Variants in VPS35L observed in about 807,000 individuals in gnomAD.
The protein encoded by VPS35L is VPS35 endosomal protein-sorting factor-like.
VPS35L carries 83 observed loss-of-function variants against 133.0 expected under a neutral mutation model. The ratio of observed to expected loss-of-function variants is 0.62; its 90% CI spans 0.52 to 0.75. The LOEUF (loss-of-function observed/expected upper bound fraction) is 0.75, where lower values mean the gene tolerates loss of function less well. Ranked by LOEUF, VPS35L falls within the 30% of genes least tolerant of loss-of-function variation. The pLI is 0.00. For synonymous variants in VPS35L, 423 were observed against 449.9 expected, an observed-to-expected ratio of 0.94 and a Z score of 0.76; for missense variants, 1,083 against 1,206.8, an observed-to-expected ratio of 0.90 and a Z score of 1.52.
At chr16:19,674,793 G>A (rs929363359) in intron 27 of VPS35L, among the ~76,000 whole-genome samples, 4 of 151,834 alleles carry the variant, frequency 2.6e-5, no homozygotes, top group Admixed American at 2.0e-4. Context: ...TTCTTTATAT[G>A]TGGACTCATG....
intron 4 of VPS35L, 119 bp from the exon 5 acceptor site, chr16:19,574,979 G>A (rs1971486178): frequency 2.4e-6 from 2 of 836,162 alleles, no homozygotes; most frequent in South Asian, 2.0e-5. Flanking sequence ...TTTAGTGACT[G>A]TATTTTTCTT....
Position 19,651,963 on chromosome 16 carries a change from TC to T in VPS35L, c.2107-10del. 2 of 1,560,996 alleles carry T rather than the reference TC, an allele frequency of 1.3e-6. No individual in the cohort carries two copies. Among genetic ancestry groups the T allele is most frequent in the Non-Finnish European group, 1.8e-6 (2 of 1,133,032 alleles). ...TTGCACTGCTAGCGTTAATGTTTCT[TC>T]CCTTCTCCTAGGCCTGTGTTGCCTA... On this transcript the variant is annotated splice_polypyrimidine_tract_variant and intron_variant, in intron 25 of 30. Transcript: ENST00000417362.
chr16:19,634,674 A>G (rs1334405457), intron 19 of VPS35L, among the ~76,000 whole-genome samples: 1 of 152,164 alleles, frequency 6.6e-6, no homozygotes, highest in East Asian at 1.9e-4. Context: ...CATCCCAGTA[A>G]AGACAAGAAT....
At chr16:19,564,352 A>G (rs978929233) in intron 1 of VPS35L, among the ~76,000 whole-genome samples, 1 of 152,048 alleles carries the variant, frequency 6.6e-6, no homozygotes, top group African/African-American at 2.4e-5. Flanking sequence ...TGCTGGAATT[A>G]TAGGCATGAG....
At chr16:19,607,383 C>G (rs1240708578) in intron 9 of VPS35L, among the ~76,000 whole-genome samples, 2 of 152,194 alleles carry the variant, frequency 1.3e-5, no homozygotes, top group African/African-American at 2.4e-5. Context: ...AGGCAAGCCC[C>G]TTTCCTTAAA....
At chr16:19,557,603 G>A (rs1264584255) in intron 1 of VPS35L, among the ~76,000 whole-genome samples, 2 of 151,936 alleles carry the variant, frequency 1.3e-5, no homozygotes, top group Non-Finnish European at 2.9e-5. Context: ...GGCTGGTCTC[G>A]AACTCCTGAC....
intron 18 of VPS35L, among the ~76,000 whole-genome samples, chr16:19,632,248 C>T (rs1228626367): frequency 6.6e-6 from 1 of 152,190 alleles, no homozygotes; most frequent in Non-Finnish European, 1.5e-5. Flanking sequence ...CAGGCATGAG[C>T]CACTGCACCC....
In VPS35L at chr16:19,633,386, CT is replaced by C. The variant is rs1973519645; in HGVS notation, c.1635+215del. ...GAAATGGAGATAGTAATAGTGCTAC[CT>C]GAGAGTTACTGTGAGGATGAAGTGA... On this transcript the variant is annotated intron_variant, in intron 19 of 30. Coordinates refer to ENST00000417362, the MANE Select transcript of VPS35L (RefSeq NM_020314.7). The surrounding 1 kb of genome is among the most constrained non-coding windows in gnomAD (Gnocchi z 4.1). Among the ~76,000 whole-genome samples the C allele has an allele frequency of 1.3e-5, 2 of 152,212 alleles. No homozygotes were observed. Among genetic ancestry groups the C allele is most frequent in the South Asian group, 2.1e-4 (1 of 4,830 alleles).
chr16:19,570,878 TATATATA>T (rs1971356646), intron 3 of VPS35L, among the ~76,000 whole-genome samples: 5 of 76,396 alleles, frequency 6.5e-5, no homozygotes, highest in African/African-American at 2.9e-4. Context: ...TATATATATA[TATATATA>T]TATATTTTTG....
rs776127420 is a variant in VPS35L at position 19,633,138 on chromosome 16, C to T, written c.1601C>T (p.Thr534Ile). 41 of 1,614,194 alleles carry T rather than the reference C, an allele frequency of 2.5e-5. No individual in the cohort carries two copies. The highest frequency in any genetic ancestry group is 8.3e-5 in the Admixed American group (5 of 60,026). Reference protein sequence around the residue: ...TVLADVIKHMTPDRAFEDSYP... With the variant: ...TVLADVIKHMIPDRAFEDSYP... The stretch of plus-strand genomic sequence containing the variant: ...TTGGCAGATGTCATCAAGCACATGA[C>T]TCCAGATCGTGCATTTGAAGATTCC... Residue 534 changes from threonine to isoleucine, a missense_variant, in exon 19 of 31, where the codon ACT becomes ATT. Thr to Ile is a moderately conservative substitution (Grantham distance 89, BLOSUM62 -1). Transcript: ENST00000417362. The surrounding 1 kb of genome is among the most constrained non-coding windows in gnomAD (Gnocchi z 4.1).
rs151313380 is a variant in VPS35L, at chr16:19,669,242, G to A, written c.2304G>A (p.Ser768=). The change falls in exon 27 of 31, where the codon TCG becomes TCA. Residue 768 remains serine, a synonymous_variant. Coordinates refer to ENST00000417362, the MANE Select transcript of VPS35L (RefSeq NM_020314.7). The stretch of plus-strand genomic sequence containing the variant: ...ATATTGATGGGAAGATGCGGCCATC[G>A]GAATCGTTCCTTCTGGAATTCCTCT... ...MINIDGKMRP[S]ESFLLEFLCN... is the part of the protein sequence containing the mutation. 2.0e-5 allele frequency: 32 copies of A among 1,612,778 alleles called. No individual in the cohort carries two copies. Among genetic ancestry groups the A allele is most frequent in the Middle Eastern group, 1.6e-4 (1 of 6,080 alleles).
chr16:19,593,243 G>T (rs1972099372), intron 8 of VPS35L, among the ~76,000 whole-genome samples: 1 of 152,112 alleles, frequency 6.6e-6, no homozygotes. Context: ...TGTATATGAT[G>T]TGCCCCACAG....
chr16:19,670,120 C>G (rs1341831374), intron 27 of VPS35L, among the ~76,000 whole-genome samples: 1 of 152,166 alleles, frequency 6.6e-6, no homozygotes, highest in Non-Finnish European at 1.5e-5. Context: ...CCCATCTTCC[C>G]GTTATGTCCT....
chr16:19,633,310 T>G lies in VPS35L; in HGVS notation c.1635+138T>G. ...ATAGCTCTGCCATATCCTAGCCATG[T>G]GCCCTTTGATCAGTTACTTAACCTT... On this transcript the variant is annotated intron_variant, in intron 19 of 30. Coordinates refer to ENST00000417362, the MANE Select transcript of VPS35L (RefSeq NM_020314.7). This position sits in a 1 kb window ranked among gnomAD's most constrained non-coding sequence, Gnocchi z 4.1. 1.2e-6 allele frequency: 1 copy of G among 800,424 alleles called. No homozygotes were observed. The highest frequency in any genetic ancestry group is 2.1e-6 in the Non-Finnish European group (1 of 480,758). The allele number at this position is 800,424 out of a possible 1,614,324, so 49.6% of individuals were successfully genotyped here.
intron 7 of VPS35L, among the ~76,000 whole-genome samples, chr16:19,584,397 C>T (rs1971799414): frequency 6.6e-6 from 1 of 152,102 alleles, no homozygotes; most frequent in Non-Finnish European, 1.5e-5. Context: ...GAGGCTGAGG[C>T]AGGTGGATCA....
At chr16:19,618,302 C>T (rs937574239) in intron 14 of VPS35L, among the ~76,000 whole-genome samples, 14 of 152,138 alleles carry the variant, frequency 9.2e-5, no homozygotes, top group Admixed American at 9.2e-4. Context: ...CCCACTTTTA[C>T]GAATTTATCC....
intron 8 of VPS35L, among the ~76,000 whole-genome samples, chr16:19,596,203 A>T (rs1160129740): frequency 2.0e-5 from 3 of 152,154 alleles, no homozygotes; most frequent in Admixed American, 6.6e-5. Context: ...TGCAGAGCTG[A>T]GGCTCAACTA....
At chr16:19,556,442 C>T (rs143578485) in intron 1 of VPS35L, among the ~76,000 whole-genome samples, 261 of 152,188 alleles carry the variant, frequency 1.7e-3, no homozygotes, top group African/African-American at 6.1e-3. Flanking sequence ...TTGGCAGGCC[C>T]GTAGGTCCCT....
intron 26 of VPS35L, among the ~76,000 whole-genome samples, chr16:19,660,097 G>A (rs977938899): frequency 6.6e-6 from 1 of 152,066 alleles, no homozygotes; most frequent in Admixed American, 6.5e-5. Flanking sequence ...AGGCCGAGAC[G>A]GTGGATCACT....
Sources: allele counts gnomAD v4.1 joint callset (sites outside exome capture counted in the v4.1 genomes callset), GRCh38; gene constraint gnomAD v4.1.1; non-coding constraint Gnocchi (gnomAD v3.1); transcripts MANE v1.5; gene names NCBI Gene and HGNC (gene_info 2026-07-23, HGNC 2026-07-21).